ACOXL: variants seen among roughly 807,000 people sequenced by gnomAD.
The protein encoded by ACOXL is acyl-CoA oxidase like.
ACOXL carries 70 observed loss-of-function variants against 71.9 expected under a neutral mutation model. The ratio of observed to expected loss-of-function variants is 0.97; its 90% CI spans 0.80 to 1.19. The LOEUF (loss-of-function observed/expected upper bound fraction) is 1.19, where lower values mean the gene tolerates loss of function less well. Among genes scored for constraint, ACOXL ranks in the 50% most tolerant of loss-of-function variants. The probability of loss-of-function intolerance (pLI) is 0.00; values close to 1 mark genes in which losing one functional copy is unlikely to be tolerated. For synonymous variants in ACOXL, 253 were observed against 281.6 expected (o/e 0.90, Z 1.02); for missense variants, 703 against 736.3 (o/e 0.95, Z 0.52).
intron 14 of ACOXL, among the ~76,000 whole-genome samples, chr2:111,030,476 G>C (rs77459863): frequency 0.021 from 3,123 of 152,262 alleles, 107 homozygotes; most frequent in African/African-American, 0.071. Flanking sequence ...TCCAAACTGT[G>C]CCTGCGGCCC....
At chr2:110,811,971 T>G (rs1488287601) in intron 9 of ACOXL, among the ~76,000 whole-genome samples, 2 of 152,198 alleles carry the variant, frequency 1.3e-5, no homozygotes, top group Non-Finnish European at 2.9e-5. Context: ...GGTTCTGTTT[T>G]CTTTGCGTTT....
At chr2:110,979,979 G>A (rs964780160) in intron 12 of ACOXL, among the ~76,000 whole-genome samples, 5 of 152,172 alleles carry the variant, frequency 3.3e-5, no homozygotes, top group East Asian at 3.8e-4. Flanking sequence ...AACAAAACCC[G>A]TCTTTGGCAT....
At chr2:110,830,011 T>C (rs1689627269) in intron 9 of ACOXL, among the ~76,000 whole-genome samples, 1 of 152,198 alleles carries the variant, frequency 6.6e-6, no homozygotes, top group Non-Finnish European at 1.5e-5. Context: ...GACAAAGCAC[T>C]CATGTTTCAG....
At chr2:110,797,559 A>G (rs1685428663) in intron 5 of ACOXL, among the ~76,000 whole-genome samples, 1 of 152,178 alleles carries the variant, frequency 6.6e-6, no homozygotes, top group African/African-American at 2.4e-5. Flanking sequence ...GTCTTGCTTT[A>G]TCCAAGCGTA....
chr2:110,923,160 G>A (rs1410157970), intron 11 of ACOXL, among the ~76,000 whole-genome samples: 2 of 152,098 alleles, frequency 1.3e-5, no homozygotes, highest in African/African-American at 2.4e-5. Context: ...GAAAAAGTTG[G>A]CACATTCTGC....
chr2:110,818,421 A>ATGTGTG (rs1218148803), intron 9 of ACOXL, among the ~76,000 whole-genome samples: 2 of 142,514 alleles, frequency 1.4e-5, no homozygotes, highest in African/African-American at 5.3e-5. Context: ...ATATATATAT[A>ATGTGTG]TATGTGTGTG....
At chr2:111,024,433 G>A (rs961273720) in intron 14 of ACOXL, among the ~76,000 whole-genome samples, 1 of 152,144 alleles carries the variant, frequency 6.6e-6, no homozygotes, top group Non-Finnish European at 1.5e-5. Context: ...TGAAGCAGCT[G>A]CAAGCCAAGG....
rs1196430464 is a variant in ACOXL, at chr2:110,925,863, TTTTTTTTTTTTAAAGCA to T, written c.906-7622_906-7606del. On this transcript the variant is annotated intron_variant, in intron 11 of 17. Transcript: ENST00000439055. ...CTTAATTACTTCTAGCTTTTTTTTT[TTTTTTTTTTTTAAAGCA>T]TTTCTAGCTTTCGATCTAGAAAGAC... Among the ~76,000 whole-genome samples the T allele has an allele frequency of 3.3e-5, 5 of 151,590 alleles. No individual in the cohort carries two copies. In the South Asian group the frequency reaches 8.4e-4, roughly 26 times the overall value.
At chr2:111,060,331 G>A (rs2066750800) in intron 16 of ACOXL, among the ~76,000 whole-genome samples, 1 of 152,098 alleles carries the variant, frequency 6.6e-6, no homozygotes, top group Admixed American at 6.6e-5. Context: ...CAATAGTAAT[G>A]AGGCCACCCC....
intron 5 of ACOXL, 110 bp downstream of exon 5, chr2:110,794,284 C>T: frequency 1.9e-6 from 2 of 1,045,664 alleles, no homozygotes; most frequent in Non-Finnish European, 2.8e-6. Flanking sequence ...GCTCTCTGGC[C>T]CAGGGAGCTG....
intron 2 of ACOXL, among the ~76,000 whole-genome samples, chr2:110,782,490 G>A (rs1299829763): frequency 6.6e-6 from 1 of 152,130 alleles, no homozygotes. Context: ...ACAAATATAT[G>A]CTTAAATCAA....
chr2:110,818,255 G>A (rs1391598117), intron 9 of ACOXL, among the ~76,000 whole-genome samples: 1 of 151,484 alleles, frequency 6.6e-6, no homozygotes, highest in Non-Finnish European at 1.5e-5. Flanking sequence ...AGCCTGGTGT[G>A]GTATGGCATG....
intron 11 of ACOXL, among the ~76,000 whole-genome samples, chr2:110,930,566 G>GT (rs1171794645): frequency 6.6e-6 from 1 of 152,204 alleles, no homozygotes; most frequent in African/African-American, 2.4e-5. Flanking sequence ...GAAATGTGAG[G>GT]ACATGAGATT....
intron 2 of ACOXL, among the ~76,000 whole-genome samples, chr2:110,769,092 A>T (rs959010736): frequency 6.6e-6 from 1 of 152,190 alleles, no homozygotes; most frequent in Admixed American, 6.5e-5. Flanking sequence ...AAAGTTAAAT[A>T]GCTGGGAAAT....
chr2:111,098,030 A>C (rs755296728), intron 17 of ACOXL, among the ~76,000 whole-genome samples: 2 of 152,250 alleles, frequency 1.3e-5, no homozygotes, highest in Admixed American at 1.3e-4. Flanking sequence ...TAACCAAGTG[A>C]TTAAGGTACA....
chr2:110,908,792 G>A lies in ACOXL; in HGVS notation c.792G>A (p.Arg264=), dbSNP rs1192310743. 1.9e-6 allele frequency: 3 copies of A among 1,613,654 alleles called. No homozygotes were observed. The highest frequency in any genetic ancestry group is 2.2e-5 in the South Asian group (2 of 90,990). The change falls in exon 11 of 18, where the codon CGG becomes CGA. Residue 264 remains arginine (R), a synonymous_variant. Coordinates refer to ENST00000439055, the MANE Select transcript of ACOXL (RefSeq NM_001142807.4). ...CGTGTCTGTTGATTCCCTCTAGCCGGAGGCAGTTTGGGCCCAAAACCAAGG... is the reference window on the plus strand; with the variant it reads ...CGTGTCTGTTGATTCCCTCTAGCCGAAGGCAGTTTGGGCCCAAAACCAAGG... ...LTIAIRYSHS[R]RQFGPKTKEE...
intron 1 of ACOXL, among the ~76,000 whole-genome samples, chr2:110,746,547 A>G (rs1047235788): frequency 1.3e-5 from 2 of 152,108 alleles, no homozygotes; most frequent in Non-Finnish European, 2.9e-5. Context: ...GCTCCTGGGC[A>G]TGTTGCCTGC....
chr2:110,935,314 G>A (rs1030887724), intron 12 of ACOXL, among the ~76,000 whole-genome samples: 2 of 152,222 alleles, frequency 1.3e-5, no homozygotes, highest in Admixed American at 1.3e-4. Context: ...GGCAGGCCCA[G>A]GGGTCTCTCA....
Position 110,771,561 on chromosome 2 carries a change from C to G in ACOXL, c.75+3097C>G, listed in dbSNP as rs74449594. Among the ~76,000 whole-genome samples, 1,299 of 152,342 alleles carry G rather than the reference C, an allele frequency of 8.5e-3. 22 individuals are homozygous for G. The highest frequency in any genetic ancestry group is 0.03 in the African/African-American group (1,237 of 41,574). ...GGACAGTCCGCAGGCCAAGAATAAA[C>G]CATTAAAATATTTCCACGCTGTGTT... On this transcript the variant is annotated intron_variant, in intron 2 of 17. Coordinates refer to ENST00000439055, the MANE Select transcript of ACOXL (RefSeq NM_001142807.4).
Sources: gnomAD v4.1 joint callset for allele counts (sites outside exome capture counted in the v4.1 genomes callset) on GRCh38, gnomAD v4.1.1 for gene constraint, MANE v1.5 for transcripts, NCBI Gene and HGNC (gene_info 2026-07-23, HGNC 2026-07-21) for gene names.